LIN7A: variants seen among roughly 807,000 people sequenced by gnomAD.
LIN7A encodes the protein lin-7 cell polarity scaffold A, also known as protein lin-7 homolog A.
LIN7A carries 25 observed loss-of-function variants against 29.8 expected under a neutral mutation model. That is an observed-to-expected ratio of 0.84 (90% CI 0.61 to 1.17). LIN7A has a LOEUF of 1.17. Among genes scored for constraint, LIN7A ranks in the 50% most tolerant of loss-of-function variants. The probability of loss-of-function intolerance (pLI) is 0.00; values close to 1 mark genes in which losing one functional copy is unlikely to be tolerated. For synonymous variants in LIN7A, 118 were observed against 107.5 expected (o/e 1.10, Z -0.60); for missense variants, 239 against 287.0 (o/e 0.83, Z 1.21).
intron 4 of LIN7A, chr12:80,842,229 T>C: frequency 1.3e-6 from 1 of 779,048 alleles, no homozygotes; most frequent in Non-Finnish European, 1.8e-6. Context: ...TAACATTCCA[T>C]GTTAATAGTT....
Position 80,826,105 on chromosome 12 carries a change from A to G in LIN7A, c.484-14422T>C, listed in dbSNP as rs192746084. Among the ~76,000 whole-genome samples the G allele has an allele frequency of 5.6e-5, 5 of 89,298 alleles. No individual in the cohort carries two copies. The East Asian group carries it at 1.0e-3, about 18-fold the overall frequency. 58.6% of individuals were successfully genotyped at this position (89,298 alleles called of 152,430 possible). On this transcript the variant is annotated intron_variant, in intron 4 of 5. Transcript: ENST00000552864. ...TTCAACATTGCAGATGCTTTCTTGCAGGAGAAGTCAAAATTTAAAGGCTAT... is the reference window on the plus strand; with the variant it reads ...TTCAACATTGCAGATGCTTTCTTGCGGGAGAAGTCAAAATTTAAAGGCTAT...
chr12:80,912,713 C>CAAAAAAAAAAAAA (rs5799498), intron 1 of LIN7A, among the ~76,000 whole-genome samples: 6 of 135,358 alleles, frequency 4.4e-5, no homozygotes, highest in South Asian at 2.3e-4. Flanking sequence ...AGACTTGTCT[C>CAAAAAAAAAAAAA]AAAAAAAAAA....
At chr12:80,921,718 G>A (rs542728323) in intron 1 of LIN7A, among the ~76,000 whole-genome samples, 2 of 152,084 alleles carry the variant, frequency 1.3e-5, no homozygotes, top group Admixed American at 1.3e-4. Context: ...TATGCATTTT[G>A]GGGGGACAGA....
chr12:80,801,324 G>A (rs1419304090), intron 5 of LIN7A, among the ~76,000 whole-genome samples: 2 of 152,096 alleles, frequency 1.3e-5, no homozygotes, highest in Non-Finnish European at 2.9e-5. Flanking sequence ...ACAGAAAACA[G>A]CGTTGTGATG....
chr12:80,857,468 A>T (rs1302698700), intron 2 of LIN7A, among the ~76,000 whole-genome samples: 2 of 152,102 alleles, frequency 1.3e-5, no homozygotes, highest in Non-Finnish European at 2.9e-5. Context: ...ATAGAATACC[A>T]TCTTAATAGC....
intron 4 of LIN7A, among the ~76,000 whole-genome samples, chr12:80,840,066 T>C (rs1872741386): frequency 6.6e-6 from 1 of 152,180 alleles, no homozygotes; most frequent in Admixed American, 6.5e-5. Flanking sequence ...TTTATCTTTC[T>C]ATCCTTTTCT....
chr12:80,845,774 C>T lies in LIN7A; in HGVS notation c.439G>A (p.Gly147Arg), dbSNP rs762931661. 17 of 1,613,654 alleles carry T rather than the reference C, an allele frequency of 1.1e-5. No individual in the cohort carries two copies. Among genetic ancestry groups the T allele is most frequent in the East Asian group, 2.2e-5 (1 of 44,872 alleles). ...AGCTGGTCTCCTCTTTTGAGGCCTC[C>T]GTGTCTTTCAGCCACCCCTCCAGGA... Reference protein sequence around the residue: ...IIPGGVAERHGGLKRGDQLLS... With the variant: ...IIPGGVAERHRGLKRGDQLLS... Residue 147 changes from glycine (G) to arginine (R), a missense_variant, in exon 4 of 6, where the codon GGA (glycine) becomes AGA (arginine). Coordinates refer to ENST00000552864, the MANE Select transcript of LIN7A (RefSeq NM_004664.4).
chr12:80,862,608 G>A (rs1320782590), intron 2 of LIN7A, among the ~76,000 whole-genome samples: 4 of 152,114 alleles, frequency 2.6e-5, no homozygotes, highest in Middle Eastern at 3.2e-3. Flanking sequence ...TATCTAACAC[G>A]TATTTTCTCT....
At chr12:80,875,014 G>T (rs1216269644) in intron 2 of LIN7A, among the ~76,000 whole-genome samples, 1 of 152,034 alleles carries the variant, frequency 6.6e-6, no homozygotes, top group Non-Finnish European at 1.5e-5. Flanking sequence ...ACAAACAAAC[G>T]AAACAAAAAC....
intron 4 of LIN7A, among the ~76,000 whole-genome samples, chr12:80,816,434 ACACT>A (rs796175557): frequency 2.0e-5 from 3 of 151,448 alleles, no homozygotes; most frequent in Non-Finnish European, 3.0e-5. Flanking sequence ...GTATATATAC[ACACT>A]CACACACACA....
intron 1 of LIN7A, among the ~76,000 whole-genome samples, chr12:80,934,283 A>G (rs1173509222): frequency 6.6e-6 from 1 of 152,164 alleles, no homozygotes; most frequent in Non-Finnish European, 1.5e-5. Flanking sequence ...CTGGCTTATG[A>G]TAGGTACTCA....
intron 1 of LIN7A, among the ~76,000 whole-genome samples, chr12:80,925,706 C>T (rs937253291): frequency 2.0e-4 from 31 of 152,164 alleles, no homozygotes; most frequent in African/African-American, 7.5e-4. Context: ...GTAGGATGGG[C>T]TCTGGAGTGT....
intron 4 of LIN7A, among the ~76,000 whole-genome samples, chr12:80,829,974 T>C (rs1340952426): frequency 6.6e-6 from 1 of 152,222 alleles, no homozygotes; most frequent in East Asian, 1.9e-4. Flanking sequence ...AATAATTACA[T>C]GTGCCTGTAT....
At chr12:80,904,571 A>G (rs1219006772) in intron 1 of LIN7A, among the ~76,000 whole-genome samples, 2 of 152,142 alleles carry the variant, frequency 1.3e-5, no homozygotes, top group Non-Finnish European at 2.9e-5. Flanking sequence ...CCTTAACATC[A>G]TGTCTTTCAG....
rs1202689435 is a variant in LIN7A, at chr12:80,889,232, T to C, written c.201+19A>G. 2.2e-6 allele frequency: 3 copies of C among 1,346,146 alleles called. No individual in the cohort carries two copies. Among genetic ancestry groups the C allele is most frequent in the Non-Finnish European group, 2.1e-6 (2 of 936,734 alleles). The allele number at this position is 1,346,146 out of a possible 1,614,324, so 83.4% of individuals were successfully genotyped here. A position where few individuals can be genotyped will look rare whatever the true frequency, so the allele number is the denominator to read the frequency against. Reference sequence around the variant, plus strand: ...AAGACATATGGCTGAATTTAGTTATTAAAATTTTAGTGCCATACCTCTCGA... The same window carrying C: ...AAGACATATGGCTGAATTTAGTTATCAAAATTTTAGTGCCATACCTCTCGA... On this transcript the variant is annotated intron_variant, in intron 2 of 5. Transcript: ENST00000552864.
At chr12:80,858,494 CAAG>C (rs954062537) in intron 2 of LIN7A, among the ~76,000 whole-genome samples, 5 of 146,718 alleles carry the variant, frequency 3.4e-5, no homozygotes, top group African/African-American at 1.2e-4. Flanking sequence ...GCCAAGCCAC[CAAG>C]AAGAAATTTC....
At chr12:80,926,602 C>G (rs1388725298) in intron 1 of LIN7A, among the ~76,000 whole-genome samples, 1 of 152,074 alleles carries the variant, frequency 6.6e-6, no homozygotes, top group African/African-American at 2.4e-5. Context: ...TTGGTTAAAC[C>G]ATTTTTGTGC....
At chr12:80,835,109 T>A (rs559831769) in intron 4 of LIN7A, among the ~76,000 whole-genome samples, 1 of 152,326 alleles carries the variant, frequency 6.6e-6, no homozygotes, top group Admixed American at 6.5e-5. Context: ...TCATTTGAGA[T>A]AAACCACACA....
chr12:80,838,709 G>T (rs1872686601), intron 4 of LIN7A, among the ~76,000 whole-genome samples: 1 of 152,202 alleles, frequency 6.6e-6, no homozygotes, highest in Non-Finnish European at 1.5e-5. Context: ...CGACTTCTAG[G>T]AATAGAGAGA....
Sources: gnomAD v4.1 joint callset for allele counts (sites outside exome capture counted in the v4.1 genomes callset) on GRCh38, gnomAD v4.1.1 for gene constraint, MANE v1.5 for transcripts, NCBI Gene and HGNC (gene_info 2026-07-23, HGNC 2026-07-21) for gene names.